MROH1: variants seen among roughly 807,000 people sequenced by gnomAD.
The protein encoded by MROH1 is maestro heat like repeat family member 1.
A neutral mutation model predicts 116.5 loss-of-function variants in MROH1; 117 were observed. The observed-to-expected ratio is 1.00, with a 90% CI of 0.86 to 1.17. The LOEUF (loss-of-function observed/expected upper bound fraction) is 1.17. Ranked by LOEUF, MROH1 falls within the 50% of genes most tolerant of loss-of-function variation. The pLI is 0.00. For synonymous variants in MROH1, 921 were observed against 583.9 expected (o/e 1.58, Z -8.32); for missense variants, 1,873 against 1,338.5 (o/e 1.40, Z -6.23).
chr8:144,257,442 C>T (rs1844101041), intron 35 of MROH1, among the ~76,000 whole-genome samples: 1 of 152,138 alleles, frequency 6.6e-6, no homozygotes, highest in African/African-American at 2.4e-5. Flanking sequence ...CCCCCGTGGC[C>T]CTCAGCTCCT....
intron 3 of MROH1, among the ~76,000 whole-genome samples, chr8:144,165,466 C>G (rs960342553): frequency 6.6e-6 from 1 of 152,130 alleles, no homozygotes; most frequent in Non-Finnish European, 1.5e-5. Flanking sequence ...GATGAGGTCT[C>G]GCTATGTTGC....
chr8:144,181,134 T>C (rs1370130334), intron 7 of MROH1, among the ~76,000 whole-genome samples: 2 of 152,128 alleles, frequency 1.3e-5, no homozygotes, highest in African/African-American at 2.4e-5. Context: ...GTGCTCCCGG[T>C]GTCCCATGTC....
chr8:144,256,430 G>A, intron 35 of MROH1, among the ~76,000 whole-genome samples: 1 of 142,480 alleles, frequency 7.0e-6, no homozygotes, highest in African/African-American at 2.6e-5. Flanking sequence ...GGACACACCA[G>A]GGGGACAGCC....
intron 2 of MROH1, among the ~76,000 whole-genome samples, chr8:144,161,468 G>A (rs867743665): frequency 3.9e-5 from 6 of 152,210 alleles, no homozygotes; most frequent in Non-Finnish European, 5.9e-5. Flanking sequence ...GGCACTCCCC[G>A]TTCTGTCTCA....
intron 7 of MROH1, among the ~76,000 whole-genome samples, chr8:144,185,855 G>C (rs1375444464): frequency 7.2e-6 from 1 of 139,650 alleles, no homozygotes; most frequent in Non-Finnish European, 1.6e-5. Context: ...ACCACGGGGG[G>C]GCGGTGAGGG....
intron 29 of MROH1, 142 bp from the exon 30 acceptor site, chr8:144,247,159 T>TG: frequency 1.5e-6 from 1 of 660,476 alleles, no homozygotes. Context: ...CTGGGAGCTG[T>TG]GTTGGCCACA....
chr8:144,153,364 T>C (rs1405575147), intron 1 of MROH1, among the ~76,000 whole-genome samples: 1 of 151,724 alleles, frequency 6.6e-6, no homozygotes, highest in East Asian at 1.9e-4. Flanking sequence ...GCCCAGCTAA[T>C]TTTTGTATTT....
At chr8:144,244,047 C>G in intron 26 of MROH1, 105 bp downstream of exon 26, 1 of 717,780 alleles carries the variant, frequency 1.4e-6, no homozygotes, top group Non-Finnish European at 2.6e-6. Flanking sequence ...CGTGTGTGTG[C>G]CTGTGCTTGC....
At position 144,242,470 on chromosome 8, in the gene MROH1, A is replaced by G. The variant is rs951709244; in HGVS notation, c.2280A>G (p.Val760=). 2.6e-6 allele frequency: 2 copies of G among 780,580 alleles called. No homozygotes were observed. Among genetic ancestry groups the G allele is most frequent in the Non-Finnish European group, 4.8e-6 (2 of 417,830 alleles). 48.4% of individuals were successfully genotyped at this position (780,580 alleles called of 1,614,324 possible). A position where few individuals can be genotyped will look rare whatever the true frequency, so the allele number is the denominator to read the frequency against. The change falls in exon 23 of 44, where the codon GTA becomes GTG. Residue 760 remains valine, a synonymous_variant. Transcript: ENST00000326134. ...RAPRELVLAK[V]ESDILRNICQ... is the part of the protein sequence containing the mutation. Reference sequence around the variant, plus strand: ...CCCGGGAGCTGGTGCTGGCCAAGGTAGAGTCAGACATCCTCCGGAACATCT... The same window carrying G: ...CCCGGGAGCTGGTGCTGGCCAAGGTGGAGTCAGACATCCTCCGGAACATCT...
intron 14 of MROH1, among the ~76,000 whole-genome samples, chr8:144,226,134 C>CA (rs1837772571): frequency 6.9e-6 from 1 of 143,920 alleles, no homozygotes; most frequent in Non-Finnish European, 1.5e-5. Flanking sequence ...AGGCTGGTCT[C>CA]AAACTCCTGA....
chr8:144,206,007 T>C (rs1201384692), intron 12 of MROH1, among the ~76,000 whole-genome samples: 1 of 152,198 alleles, frequency 6.6e-6, no homozygotes, highest in Non-Finnish European at 1.5e-5. Context: ...GTTTTGCTTG[T>C]ATTTATTTTC....
At chr8:144,157,968 C>T (rs1180567586) in intron 1 of MROH1, among the ~76,000 whole-genome samples, 2 of 147,530 alleles carry the variant, frequency 1.4e-5, no homozygotes, top group Non-Finnish European at 3.0e-5. Flanking sequence ...TGAGCCACTG[C>T]GCCTGGCCAT....
At chr8:144,186,089 C>T (rs1420317517) in intron 7 of MROH1, among the ~76,000 whole-genome samples, 1 of 150,100 alleles carries the variant, frequency 6.7e-6, no homozygotes, top group African/African-American at 2.4e-5. Context: ...TGTGTCACCC[C>T]GGGGAAATGA....
rs184681767 is a variant in MROH1 at position 144,159,156 on chromosome 8, G to A, written c.-176-1814G>A. On this transcript the variant is annotated intron_variant, in intron 1 of 43. Coordinates refer to ENST00000326134, the MANE Select transcript of MROH1 (RefSeq NM_032450.3). ...GTGGATCACCTGAGGTCAGGAGTTC[G>A]AGACCAGCCTGGCCAATGTGGTGAA... Among the ~76,000 whole-genome samples the A allele has an allele frequency of 5.5e-3, 837 of 152,234 alleles. 10 individuals carry two copies. Among genetic ancestry groups the A allele is most frequent in the African/African-American group, 0.019 (806 of 41,564 alleles).
At chr8:144,231,053 A>G (rs1403182536) in intron 14 of MROH1, among the ~76,000 whole-genome samples, 3 of 142,382 alleles carry the variant, frequency 2.1e-5, no homozygotes, top group Non-Finnish European at 4.5e-5. Flanking sequence ...AACAAAGCAC[A>G]TCTTGCACCG....
At chr8:144,187,409 T>TA (rs920036389) in intron 7 of MROH1, among the ~76,000 whole-genome samples, 5 of 151,326 alleles carry the variant, frequency 3.3e-5, no homozygotes, top group Admixed American at 2.0e-4. Context: ...GACCCTGTCT[T>TA]AAAAAAAAGA....
At position 144,168,371 on chromosome 8, in the gene MROH1, C is replaced by T; in HGVS notation, c.99C>T (p.Cys33=). ...LVQEQVCSAL[C]SLGEARPVET... ...AGGAGCAGGTCTGCAGTGCCCTGTGCTCCCTCGGGGAGGCGCGGCCGGTGG... is the reference window on the plus strand; with the variant it reads ...AGGAGCAGGTCTGCAGTGCCCTGTGTTCCCTCGGGGAGGCGCGGCCGGTGG... Residue 33 remains cysteine (C), a synonymous_variant, in exon 4 of 44, where the codon TGC becomes TGT. Coordinates refer to ENST00000326134, the MANE Select transcript of MROH1 (RefSeq NM_032450.3). 6.2e-7 allele frequency: 1 copy of T among 1,611,404 alleles called. No individual in the cohort carries two copies. The highest frequency in any genetic ancestry group is 8.5e-7 in the Non-Finnish European group (1 of 1,179,628).
intron 14 of MROH1, among the ~76,000 whole-genome samples, chr8:144,231,670 T>C (rs1299465871): frequency 6.6e-6 from 1 of 152,062 alleles, no homozygotes; most frequent in Non-Finnish European, 1.5e-5. Flanking sequence ...CAAATCACCA[T>C]CACAGATATA....
chr8:144,188,145 G>A (rs1827666586), intron 7 of MROH1, among the ~76,000 whole-genome samples: 1 of 152,190 alleles, frequency 6.6e-6, no homozygotes, highest in African/African-American at 2.4e-5. Flanking sequence ...AAATCACAAA[G>A]GAAAATATTA....
Sources: allele counts gnomAD v4.1 joint callset (sites outside exome capture counted in the v4.1 genomes callset), GRCh38; gene constraint gnomAD v4.1.1; transcripts MANE v1.5; gene names NCBI Gene and HGNC (gene_info 2026-07-23, HGNC 2026-07-21).